KLHDC1: variants seen among roughly 807,000 people sequenced by gnomAD.
The protein encoded by KLHDC1 is kelch domain containing 1.
KLHDC1 carries 53 observed loss-of-function variants against 68.3 expected under a neutral mutation model. The observed-to-expected ratio is 0.78, with a 90% confidence interval of 0.62 to 0.98. The LOEUF (loss-of-function observed/expected upper bound fraction) is 0.98, where lower values mean the gene tolerates loss of function less well. Among genes scored for constraint, KLHDC1 ranks in the 50% least tolerant of loss-of-function variants. The pLI is 0.00. For missense variants in KLHDC1, 470 were observed against 492.3 expected (o/e 0.95, Z 0.43); for synonymous variants, 148 against 159.0 (o/e 0.93, Z 0.52).
rs71115397 is a variant in KLHDC1 at position 49,718,769 on chromosome 14, CTTTTTTTTTTT to C, written c.405-5090_405-5080del. On this transcript the variant is annotated intron_variant, in intron 4 of 12. Coordinates refer to ENST00000359332, the MANE Select transcript of KLHDC1 (RefSeq NM_172193.3). The stretch of plus-strand genomic sequence containing the variant: ...GTTTTTCTTTTTCTTTTCTTTCTTT[CTTTTTTTTTTT>C]TTTTTTTTTTTTTTGAGTCGTAGTC... 6.7e-3 allele frequency among the ~76,000 whole-genome samples: 514 copies of C among 76,854 alleles called. 3 individuals are homozygous for C. The highest frequency in any genetic ancestry group is 8.8e-3 in the Non-Finnish European group (362 of 41,006). The allele number at this position is 76,854 out of a possible 152,430, so 50.4% of individuals were successfully genotyped here. A position where few individuals can be genotyped will look rare whatever the true frequency, so the allele number is the denominator to read the frequency against.
intron 1 of KLHDC1, among the ~76,000 whole-genome samples, chr14:49,696,704 A>G (rs957748525): frequency 1.3e-5 from 2 of 152,158 alleles, no homozygotes; most frequent in Admixed American, 6.5e-5. Flanking sequence ...TTTTGCTTTC[A>G]TATTACTCAT....
chr14:49,699,420 T>A (rs1368363685), intron 1 of KLHDC1, among the ~76,000 whole-genome samples: 3 of 149,980 alleles, frequency 2.0e-5, no homozygotes, highest in Admixed American at 6.6e-5. Flanking sequence ...AGTATAGGCT[T>A]TAAAAAAAAA....
intron 1 of KLHDC1, among the ~76,000 whole-genome samples, chr14:49,698,399 T>C (rs1887803256): frequency 6.6e-6 from 1 of 152,024 alleles, no homozygotes; most frequent in Non-Finnish European, 1.5e-5. Context: ...AGGCGGGGTT[T>C]CACCATGTTG....
chr14:49,697,613 T>TAAAGC (rs939187129), intron 1 of KLHDC1, among the ~76,000 whole-genome samples: 1 of 152,182 alleles, frequency 6.6e-6, no homozygotes, highest in African/African-American at 2.4e-5. Context: ...TCAAGCACAG[T>TAAAGC]AAAGCAAAGC....
In KLHDC1 at chr14:49,726,318, C is replaced by A. The variant is rs553949444; in HGVS notation, c.567+549C>A. On this transcript the variant is annotated intron_variant, in intron 6 of 12. Coordinates refer to ENST00000359332, the MANE Select transcript of KLHDC1 (RefSeq NM_172193.3). ...ATCACTTGAGTCCAGGAGTTTGAGG[C>A]TGTAGTGTGCTACAATCACATCTGT... 2.8e-4 allele frequency among the ~76,000 whole-genome samples: 43 copies of A among 152,262 alleles called. No individual in the cohort carries two copies. In the East Asian group the frequency reaches 8.1e-3, roughly 29 times the overall value.
At chr14:49,729,069 C>A (rs1234532990) in intron 7 of KLHDC1, 60 bp downstream of exon 7, 8 of 1,150,900 alleles carry the variant, frequency 7.0e-6, no homozygotes, top group South Asian at 1.3e-5. Context: ...AAAATTTATC[C>A]TCTGATTTCG....
intron 10 of KLHDC1, among the ~76,000 whole-genome samples, chr14:49,736,841 T>C (rs559645707): frequency 9.8e-5 from 15 of 152,322 alleles, no homozygotes; most frequent in African/African-American, 3.6e-4. Flanking sequence ...AATATCTCCA[T>C]ATACTGTGAA....
At chr14:49,696,860 T>C (rs974273955) in intron 1 of KLHDC1, among the ~76,000 whole-genome samples, 29 of 152,336 alleles carry the variant, frequency 1.9e-4, no homozygotes, top group African/African-American at 7.0e-4. Context: ...TAGCTTTTGA[T>C]TTAAAGTGAG....
At chr14:49,737,697 T>A (rs1387176277) in intron 10 of KLHDC1, among the ~76,000 whole-genome samples, 3 of 147,932 alleles carry the variant, frequency 2.0e-5, no homozygotes, top group African/African-American at 7.5e-5. Context: ...AAACCCCATC[T>A]CTGAAAAAAA....
At chr14:49,728,881 C>T in intron 6 of KLHDC1, 45 bp from the exon 7 acceptor site, 2 of 1,290,302 alleles carry the variant, frequency 1.6e-6, no homozygotes, top group Non-Finnish European at 1.1e-6. Flanking sequence ...AACTTTATTA[C>T]AGATATTTCA....
chr14:49,730,028 T>G (rs1470324491), intron 8 of KLHDC1, among the ~76,000 whole-genome samples: 3 of 152,204 alleles, frequency 2.0e-5, no homozygotes, highest in South Asian at 4.2e-4. Context: ...CAGAAGAAAA[T>G]ATAGCAGATT....
At chr14:49,730,143 C>A (rs747551759) in intron 8 of KLHDC1, among the ~76,000 whole-genome samples, 1 of 151,508 alleles carries the variant, frequency 6.6e-6, no homozygotes, top group Non-Finnish European at 1.5e-5. Flanking sequence ...TTAAATATTT[C>A]TCTGTAGAAA....
chr14:49,728,940 ACAG>A lies in KLHDC1; in HGVS notation c.584_586del (p.Gln195del). 1 of 1,613,326 alleles carries A rather than the reference ACAG, an allele frequency of 6.2e-7. No homozygotes were observed. The highest frequency in any genetic ancestry group is 8.5e-7 in the Non-Finnish European group (1 of 1,179,282). On this transcript the variant is annotated inframe_deletion, in exon 7 of 13. Coordinates refer to ENST00000359332, the MANE Select transcript of KLHDC1 (RefSeq NM_172193.3). ...TCTACTTGCAGGGTGGAGTTCCACC[ACAG>A]CCACGAGCCGCGCATACATGTGCAG...
intron 1 of KLHDC1, among the ~76,000 whole-genome samples, chr14:49,706,142 A>G (rs1281229042): frequency 6.6e-6 from 1 of 152,136 alleles, no homozygotes; most frequent in African/African-American, 2.4e-5. Context: ...ACCTCCCACT[A>G]ACCTTACCAG....
chr14:49,718,769 CTTTTTTTTTTTT>C (rs71115397), intron 4 of KLHDC1, among the ~76,000 whole-genome samples: 4 of 76,846 alleles, frequency 5.2e-5, no homozygotes, highest in African/African-American at 2.1e-4. Flanking sequence ...TTCTTTCTTT[CTTTTTTTTTTTT>C]TTTTTTTTTT....
intron 5 of KLHDC1, 35 bp downstream of exon 5, chr14:49,723,987 A>C: frequency 8.3e-7 from 1 of 1,209,258 alleles, no homozygotes; most frequent in East Asian, 2.4e-5. Context: ...TTTTCCTCCA[A>C]GTCAGTATAG....
At chr14:49,726,335 C>G (rs1888670329) in intron 6 of KLHDC1, among the ~76,000 whole-genome samples, 1 of 152,156 alleles carries the variant, frequency 6.6e-6, no homozygotes, top group Non-Finnish European at 1.5e-5. Flanking sequence ...GTGCTACAAT[C>G]ACATCTGTGA....
chr14:49,705,473 A>G (rs1174298637), intron 1 of KLHDC1, among the ~76,000 whole-genome samples: 1 of 139,762 alleles, frequency 7.2e-6, no homozygotes, highest in Admixed American at 8.1e-5. Flanking sequence ...GGTTCAAGCA[A>G]TTCTCCTGTC....
chr14:49,734,413 T>C (rs1888885321), intron 9 of KLHDC1, among the ~76,000 whole-genome samples, 176 bp from the exon 10 acceptor site: 1 of 152,226 alleles, frequency 6.6e-6, no homozygotes, highest in Non-Finnish European at 1.5e-5. Context: ...ATCTGCGATA[T>C]ATGGAAGTTC....
Sources: gnomAD v4.1 joint callset for allele counts (sites outside exome capture counted in the v4.1 genomes callset) on GRCh38, gnomAD v4.1.1 for gene constraint, MANE v1.5 for transcripts, NCBI Gene and HGNC (gene_info 2026-07-23, HGNC 2026-07-21) for gene names.